SMC2: variants seen among roughly 807,000 people sequenced by gnomAD.
The protein encoded by SMC2 is structural maintenance of chromosomes 2.
A neutral mutation model predicts 142.6 loss-of-function variants in SMC2; 41 were observed. The ratio of observed to expected loss-of-function variants is 0.29; its 90% CI spans 0.22 to 0.37. The LOEUF (loss-of-function observed/expected upper bound fraction) is 0.37, where lower values mean the gene tolerates loss of function less well. SMC2 is among the 10% of genes least tolerant of loss of function. SMC2 has a pLI of 1.00. For synonymous variants in SMC2, 463 were observed against 457.5 expected, an observed-to-expected ratio of 1.01 and a Z score of -0.15; for missense variants, 1,265 against 1,373.7, an observed-to-expected ratio of 0.92 and a Z score of 1.25.
intron 9 of SMC2, among the ~76,000 whole-genome samples, chr9:104,104,078 A>G (rs1831475919): frequency 6.6e-6 from 1 of 152,010 alleles, no homozygotes; most frequent in Non-Finnish European, 1.5e-5. Context: ...AGATCTCTTA[A>G]TGTTAGTATG....
chr9:104,133,270 G>T (rs890422721), intron 22 of SMC2, among the ~76,000 whole-genome samples: 5 of 152,100 alleles, frequency 3.3e-5, no homozygotes, highest in Non-Finnish European at 5.9e-5. Flanking sequence ...TTTGGAGGAA[G>T]TTTCACACTG....
chr9:104,091,258 T>C (rs1829978270), upstream of SMC2, among the ~76,000 whole-genome samples: 1 of 152,260 alleles, frequency 6.6e-6, no homozygotes, highest in Non-Finnish European at 1.5e-5. Flanking sequence ...TATTATAGCC[T>C]TATGATTCTA....
intron 16 of SMC2, among the ~76,000 whole-genome samples, chr9:104,122,641 CAACT>C (rs911957468): frequency 9.9e-5 from 15 of 152,094 alleles, no homozygotes; most frequent in African/African-American, 3.6e-4. Flanking sequence ...GCATTTTAAA[CAACT>C]AAGTTCAAAA....
chr9:104,130,541 C>T (rs1834847119), intron 21 of SMC2, among the ~76,000 whole-genome samples: 1 of 152,158 alleles, frequency 6.6e-6, no homozygotes, highest in South Asian at 2.1e-4. Context: ...CATGAGAAAT[C>T]TGCGACACTG....
intron 20 of SMC2, among the ~76,000 whole-genome samples, chr9:104,129,269 G>A (rs1352661603): frequency 6.6e-6 from 1 of 152,056 alleles, no homozygotes; most frequent in African/African-American, 2.4e-5. Context: ...TTGGGAGGCC[G>A]AGGTTGGCAG....
Position 104,138,087 on chromosome 9 carries a change from T to A in SMC2, c.3339T>A (p.Asp1113Glu). 1 of 1,610,354 alleles carries A rather than the reference T, an allele frequency of 6.2e-7. No individual in the cohort carries two copies. The highest frequency in any genetic ancestry group is 8.5e-7 in the Non-Finnish European group (1 of 1,177,536). The change falls in exon 24 of 25, where the codon GAT becomes GAA. Residue 1113 changes from aspartate to glutamate, a missense_variant. Around this residue, in one of 4 missense-constraint regions of SMC2, gnomAD observed 192 missense variants for 261.9 expected, o/e 0.73. Transcript: ENST00000374793. ...AACCTGCTCCAATTTATATCCTTGATGAGGTAGATGCAGCCTTGGATCTTT... is the reference window on the plus strand; with the variant it reads ...AACCTGCTCCAATTTATATCCTTGAAGAGGTAGATGCAGCCTTGGATCTTT... Reference protein sequence around the residue: ...LFKPAPIYILDEVDAALDLSH... With the variant: ...LFKPAPIYILEEVDAALDLSH...
Position 104,139,321 on chromosome 9 carries a change from A to G in SMC2, c.*6A>G, listed in dbSNP as rs747454027. ...GAGCACATGTGGAAGTTTAAACTAC[A>G]AAGTTATTTCTTCATCTTGACCTGT... On this transcript the variant is annotated 3_prime_UTR_variant, in exon 25 of 25. Transcript: ENST00000374793. 52 of 1,566,264 alleles carry G rather than the reference A, an allele frequency of 3.3e-5. No individual in the cohort carries two copies. Among genetic ancestry groups the G allele is most frequent in the South Asian group, 2.9e-4 (24 of 81,648 alleles).
chr9:104,121,391 G>A (rs929918345), intron 16 of SMC2, among the ~76,000 whole-genome samples: 1 of 152,094 alleles, frequency 6.6e-6, no homozygotes, highest in African/African-American at 2.4e-5. Context: ...AGCTACTCAG[G>A]AGGCTGAGGT....
intron 16 of SMC2, among the ~76,000 whole-genome samples, chr9:104,122,715 G>T (rs985744137): frequency 4.6e-5 from 7 of 151,980 alleles, no homozygotes; most frequent in Non-Finnish European, 8.8e-5. Context: ...TTGAAAATGA[G>T]GTTAATAAAT....
rs576877344 is a variant in SMC2, at chr9:104,097,397, C to T, written c.319-1049C>T. Among the ~76,000 whole-genome samples, 252 of 136,216 alleles carry T rather than the reference C, an allele frequency of 1.9e-3. 1 individual carries two copies. The highest frequency in any genetic ancestry group is 6.9e-3 in the Middle Eastern group (2 of 288). 89.4% of individuals were successfully genotyped at this position (136,216 alleles called of 152,430 possible). Reference sequence around the variant, plus strand: ...CTAGGATTACAGGTGTGAGCCACGGCGCCTGGCCCAAGATTTTGTTTTTAA... The same window carrying T: ...CTAGGATTACAGGTGTGAGCCACGGTGCCTGGCCCAAGATTTTGTTTTTAA... On this transcript the variant is annotated intron_variant, in intron 3 of 24. Coordinates refer to ENST00000374793, the MANE Select transcript of SMC2 (RefSeq NM_006444.3).
intron 17 of SMC2, 65 bp from the exon 18 acceptor site, chr9:104,124,847 A>T (rs1587975586): frequency 3.9e-6 from 5 of 1,276,296 alleles, no homozygotes; most frequent in Non-Finnish European, 5.4e-6. Flanking sequence ...TTCTTCTATT[A>T]AAAGTTGAAT....
rs953527144 is a variant in SMC2 at position 104,139,957 on chromosome 9, T to C, written c.*642T>C. The stretch of plus-strand genomic sequence containing the variant: ...GTTTTAATGATACATGAATATCATG[T>C]TCCTATACGCTTAATAATTGGTCTC... On this transcript the variant is annotated 3_prime_UTR_variant, in exon 25 of 25. Coordinates refer to ENST00000374793, the MANE Select transcript of SMC2 (RefSeq NM_006444.3). 3.3e-5 allele frequency: 5 copies of C among 151,902 alleles called. No homozygotes were observed. Among genetic ancestry groups the C allele is most frequent in the African/African-American group, 1.2e-4 (5 of 41,244 alleles). The allele number at this position is 151,902 out of a possible 1,614,324, so 9.4% of individuals were successfully genotyped here. A position where few individuals can be genotyped will look rare whatever the true frequency, so the allele number is the denominator to read the frequency against.
At chr9:104,093,121 G>A, upstream of SMC2, 1 of 152,254 alleles carries the variant, frequency 6.6e-6, no homozygotes, top group South Asian at 2.1e-4. Context: ...ACCCAGTCTA[G>A]GATATTTTGT....
chr9:104,128,211 A>G (rs1834531484), intron 20 of SMC2, among the ~76,000 whole-genome samples: 1 of 152,170 alleles, frequency 6.6e-6, no homozygotes, highest in African/African-American at 2.4e-5. Flanking sequence ...CTTCAGAAAG[A>G]TCAAGAACAT....
Position 104,118,212 on chromosome 9 carries a change from A to T in SMC2, c.1833A>T (p.Glu611Asp), listed in dbSNP as rs958700363. The T allele has an allele frequency of 3.0e-5, 49 of 1,613,722 alleles. No individual in the cohort carries two copies. The highest frequency in any genetic ancestry group is 3.8e-5 in the Non-Finnish European group (45 of 1,179,800). ...TTCATGTGGCTCTTTCCTTGGTTGA[A>T]TATAAACCAGAACTTCAGAAAGCAA... ...DNVHVALSLVEYKPELQKAME... is the reference protein window; with the variant it reads ...DNVHVALSLVDYKPELQKAME... Residue 611 changes from glutamate (E) to aspartate (D), a missense_variant, in exon 15 of 25, where the codon GAA (glutamate) becomes GAT (aspartate). Around this residue, in one of 4 missense-constraint regions of SMC2, gnomAD observed 898 missense variants for 904.2 expected, o/e 0.99. Coordinates refer to ENST00000374793, the MANE Select transcript of SMC2 (RefSeq NM_006444.3).
At chr9:104,112,586 A>G (rs899992359) in intron 10 of SMC2, among the ~76,000 whole-genome samples, 1 of 152,128 alleles carries the variant, frequency 6.6e-6, no homozygotes, top group Non-Finnish European at 1.5e-5. Flanking sequence ...GATAGTCACA[A>G]ATTTATAAGA....
chr9:104,121,371 C>CT (rs1833715894), intron 16 of SMC2, among the ~76,000 whole-genome samples: 1 of 151,992 alleles, frequency 6.6e-6, no homozygotes, highest in South Asian at 2.1e-4. Context: ...TGGCATGTGC[C>CT]TGTGGTCTCA....
upstream of SMC2, among the ~76,000 whole-genome samples, chr9:104,093,917 T>C (rs1157407313): frequency 1.3e-5 from 2 of 152,144 alleles, no homozygotes; most frequent in African/African-American, 4.8e-5. Flanking sequence ...ATAGAATGCC[T>C]CTCCACTTCC....
intron 18 of SMC2, among the ~76,000 whole-genome samples, chr9:104,125,768 A>G (rs1239669098): frequency 6.6e-6 from 1 of 152,230 alleles, no homozygotes; most frequent in Non-Finnish European, 1.5e-5. Context: ...ACTTTGTTAT[A>G]TCTTTTAGCT....
Sources: gnomAD v4.1 joint callset for allele counts (sites outside exome capture counted in the v4.1 genomes callset) on GRCh38, gnomAD v4.1.1 for gene constraint, gnomAD v4.1.1 regional missense constraint, MANE v1.5 for transcripts, NCBI Gene and HGNC (gene_info 2026-07-23, HGNC 2026-07-21) for gene names.